The following NPAS3 variants were observed in gnomAD, a reference collection of about 807,000 sequenced individuals.
NPAS3 encodes the protein neuronal PAS domain protein 3, also known as neuronal PAS domain-containing protein 3.
NPAS3 carries 14 observed loss-of-function variants against 73.1 expected under a neutral mutation model. The observed-to-expected ratio is 0.19, with a 90% CI of 0.13 to 0.30. The LOEUF (loss-of-function observed/expected upper bound fraction) is 0.30. NPAS3 is among the 10% of genes least tolerant of loss of function. The probability of loss-of-function intolerance (pLI) is 1.00; values close to 1 mark genes in which losing one functional copy is unlikely to be tolerated. For synonymous variants in NPAS3, 620 were observed against 541.5 expected, an observed-to-expected ratio of 1.14 and a Z score of -2.01; for missense variants, 1,096 against 1,250.0, an observed-to-expected ratio of 0.88 and a Z score of 1.86.
rs531615822 is a variant in NPAS3 at position 33,455,051 on chromosome 14, C to A, written c.468+87783C>A. On this transcript the variant is annotated intron_variant, in intron 4 of 11. Coordinates refer to ENST00000356141, the Ensembl canonical transcript of NPAS3. ...ACAAAAGAGATAAACATTTTGTGTG[C>A]ATTTTGGCAGCATGATAATCTGTTA... 3.9e-5 allele frequency among the ~76,000 whole-genome samples: 6 copies of A among 152,306 alleles called. No individual in the cohort carries two copies. In the South Asian group the frequency reaches 1.2e-3, roughly 32 times the overall value.
intron 6 of NPAS3, among the ~76,000 whole-genome samples, chr14:33,702,538 G>A (rs1387667317): frequency 6.6e-6 from 1 of 152,204 alleles, no homozygotes; most frequent in East Asian, 1.9e-4. Flanking sequence ...GAGGAAAGTG[G>A]ATTGACTCTG....
chr14:33,299,646 AAG>A (rs1435130041), intron 3 of NPAS3, among the ~76,000 whole-genome samples: 5 of 152,070 alleles, frequency 3.3e-5, no homozygotes, highest in Non-Finnish European at 7.4e-5. Flanking sequence ...AGTTGTGCTT[AAG>A]TTTGTGCTGA....
intron 5 of NPAS3, among the ~76,000 whole-genome samples, chr14:33,569,696 C>A (rs1567014740): frequency 6.6e-6 from 1 of 152,102 alleles, no homozygotes; most frequent in Non-Finnish European, 1.5e-5. Context: ...TTTCCTGAAC[C>A]TCTGAGTTTT....
At chr14:32,980,807 C>T (rs185528833) in intron 1 of NPAS3, among the ~76,000 whole-genome samples, 69 of 152,094 alleles carry the variant, frequency 4.5e-4, no homozygotes, top group African/African-American at 1.6e-3. Context: ...GAATTTGAAT[C>T]GAGGCCAGTA....
intron 7 of NPAS3, 75 bp from the exon 8 acceptor site, chr14:33,774,262 C>T: frequency 8.4e-7 from 1 of 1,193,016 alleles, no homozygotes; most frequent in Non-Finnish European, 1.2e-6. Context: ...TGTAATTTTG[C>T]ATTTCTCATA....
chr14:33,783,592 G>T (rs2063049079), intron 9 of NPAS3, among the ~76,000 whole-genome samples: 1 of 147,126 alleles, frequency 6.8e-6, no homozygotes, highest in African/African-American at 2.5e-5. Context: ...TTTTTTGGGG[G>T]GGTGGTGTGG....
chr14:33,102,348 A>G (rs555604048), intron 2 of NPAS3, among the ~76,000 whole-genome samples: 28 of 152,286 alleles, frequency 1.8e-4, no homozygotes, highest in Non-Finnish European at 3.2e-4. Flanking sequence ...ATCCATAGTG[A>G]TTAAGACTTC....
intron 1 of NPAS3, among the ~76,000 whole-genome samples, chr14:33,019,015 T>C (rs1211905001): frequency 6.6e-6 from 1 of 152,262 alleles, no homozygotes; most frequent in Non-Finnish European, 1.5e-5. Context: ...TTATTCATTT[T>C]AGAACTTGGG....
chr14:32,999,552 T>A lies in NPAS3; in HGVS notation c.51-56353T>A, dbSNP rs139001713. On this transcript the variant is annotated intron_variant, in intron 1 of 11. Transcript: ENST00000356141. ...AGTTATATTCCTTGTCTAACACAGTTGCATTTTCTAAATGATTACCCAGTC... is the reference window on the plus strand; with the variant it reads ...AGTTATATTCCTTGTCTAACACAGTAGCATTTTCTAAATGATTACCCAGTC... Among the ~76,000 whole-genome samples, 1,028 of 152,244 alleles carry A rather than the reference T, an allele frequency of 6.8e-3. 18 individuals are homozygous for A. Among genetic ancestry groups the A allele is most frequent in the African/African-American group, 0.023 (976 of 41,554 alleles).
chr14:32,974,705 G>T (rs1039145670), intron 1 of NPAS3, among the ~76,000 whole-genome samples: 1 of 152,106 alleles, frequency 6.6e-6, no homozygotes, highest in Non-Finnish European at 1.5e-5. Flanking sequence ...GGCAGGAAGG[G>T]TGAGGGTACC....
At chr14:33,074,331 A>G (rs1295770590) in intron 2 of NPAS3, among the ~76,000 whole-genome samples, 1 of 152,198 alleles carries the variant, frequency 6.6e-6, no homozygotes, top group Non-Finnish European at 1.5e-5. Context: ...TAAAGTTTGT[A>G]TTTGTTAGTG....
At chr14:32,976,694 A>T (rs141235876) in intron 1 of NPAS3, among the ~76,000 whole-genome samples, 44 of 152,342 alleles carry the variant, frequency 2.9e-4, no homozygotes, top group African/African-American at 9.6e-4. Context: ...TTACTACTGT[A>T]TGCATACACA....
intron 2 of NPAS3, among the ~76,000 whole-genome samples, chr14:33,111,525 A>C (rs1016401448): frequency 1.3e-5 from 2 of 152,156 alleles, no homozygotes; most frequent in African/African-American, 4.8e-5. Context: ...ACTCTATTCC[A>C]TTGTTGCCTT....
At chr14:33,142,448 C>G (rs2044089572) in intron 2 of NPAS3, among the ~76,000 whole-genome samples, 1 of 152,060 alleles carries the variant, frequency 6.6e-6, no homozygotes, top group Non-Finnish European at 1.5e-5. Context: ...TGAATGATTT[C>G]ATGCCCTATA....
chr14:33,582,073 T>C (rs1253129481), intron 5 of NPAS3: 1 of 152,220 alleles, frequency 6.6e-6, no homozygotes, highest in Admixed American at 6.5e-5. Flanking sequence ...CCCATTCTTA[T>C]ACCCTCAGGA....
intron 6 of NPAS3, among the ~76,000 whole-genome samples, chr14:33,703,170 T>C (rs2060567756): frequency 6.6e-6 from 1 of 152,112 alleles, no homozygotes; most frequent in African/African-American, 2.4e-5. Flanking sequence ...AAGATACATG[T>C]TCTAATGAAT....
intron 4 of NPAS3, among the ~76,000 whole-genome samples, chr14:33,413,742 T>C (rs56189552): frequency 0.29 from 44,731 of 152,004 alleles, 6,985 homozygotes; most frequent in East Asian, 0.43. Flanking sequence ...TGTGTGTGCC[T>C]CTGAAAAGAC....
chr14:33,165,339 A>G (rs1165764555), intron 2 of NPAS3, among the ~76,000 whole-genome samples: 2 of 151,486 alleles, frequency 1.3e-5, no homozygotes, highest in East Asian at 1.9e-4. Context: ...CTAGTAGGCT[A>G]TCCTCGTATT....
chr14:33,262,429 A>G (rs2049008270), intron 3 of NPAS3, among the ~76,000 whole-genome samples: 1 of 152,232 alleles, frequency 6.6e-6, no homozygotes, highest in South Asian at 2.1e-4. Flanking sequence ...TTGATTGAGC[A>G]GCATTCCAGG....
Sources: allele counts gnomAD v4.1 joint callset (sites outside exome capture counted in the v4.1 genomes callset), GRCh38; gene constraint gnomAD v4.1.1; transcripts MANE v1.5; gene names NCBI Gene and HGNC (gene_info 2026-07-23, HGNC 2026-07-21).